LRIT1: variants seen among roughly 807,000 people sequenced by gnomAD.
LRIT1 encodes leucine rich repeat, Ig-like and transmembrane domains 1.
In LRIT1, 23 loss-of-function variants were observed where a neutral mutation model predicts 24.0. The observed-to-expected ratio is 0.96, with a 90% confidence interval of 0.69 to 1.36. The LOEUF (loss-of-function observed/expected upper bound fraction) is 1.36, where lower values mean the gene tolerates loss of function less well. Ranked by LOEUF, LRIT1 falls within the 40% of genes most tolerant of loss-of-function variation. The probability of loss-of-function intolerance (pLI) is 0.00; values close to 1 mark genes in which losing one functional copy is unlikely to be tolerated. For synonymous variants in LRIT1, 361 were observed against 340.5 expected, an observed-to-expected ratio of 1.06 and a Z score of -0.66; for missense variants, 846 against 806.3, an observed-to-expected ratio of 1.05 and a Z score of -0.60.
chr10:84,234,351 T>C lies in LRIT1; in HGVS notation c.617A>G (p.Asp206Gly), dbSNP rs764179381. The C allele has an allele frequency of 5.7e-6, 9 of 1,577,230 alleles. No individual in the cohort carries two copies. Among genetic ancestry groups the C allele is most frequent in the Non-Finnish European group, 7.8e-6 (9 of 1,160,280 alleles). The change falls in exon 3 of 4, where the codon GAC becomes GGC. Residue 206 changes from aspartate (D) to glycine (G), a missense_variant. By Grantham distance (94) the Asp-to-Gly change is moderately conservative. Coordinates refer to ENST00000372105, the MANE Select transcript of LRIT1 (RefSeq NM_015613.3). ...ATGAACCAGGTCATAGAGTCGGCAG[T>C]CACATGCCCAGGGGTTGTCCTGTAG... is the stretch of plus-strand genomic sequence containing the variant. ...LGLQDNPWAC[D>G]CRLYDLVHLL... is the part of the protein sequence containing the mutation.
Position 84,232,885 on chromosome 10 carries a change from C to T in LRIT1, c.914G>A (p.Ser305Asn). ...LNGTVHQEVS[S>N]DGTSWTLLGL... is the part of the protein sequence containing the mutation. ...CAGCAGAGTCCAGCTCGTGCCGTCACTGGAGACTTCCTGGTGCACTAGGAG... is the reference window on the plus strand; with the variant it reads ...CAGCAGAGTCCAGCTCGTGCCGTCATTGGAGACTTCCTGGTGCACTAGGAG... Residue 305 changes from serine (S) to asparagine (N), a missense_variant, in exon 4 of 4, where the codon AGT becomes AAT. Transcript: ENST00000372105. The T allele has an allele frequency of 5.0e-6, 8 of 1,611,796 alleles. No homozygotes were observed. The highest frequency in any genetic ancestry group is 6.8e-6 in the Non-Finnish European group (8 of 1,179,800).
At chr10:84,236,140 C>CA (rs1211177803) in intron 2 of LRIT1, among the ~76,000 whole-genome samples, 1 of 151,522 alleles carries the variant, frequency 6.6e-6, no homozygotes, top group African/African-American at 2.4e-5. Flanking sequence ...ACTAAATATA[C>CA]AAAAAATTAG....
At chr10:84,240,922 C>T (rs1842686144) in intron 1 of LRIT1, among the ~76,000 whole-genome samples, 1 of 151,536 alleles carries the variant, frequency 6.6e-6, no homozygotes. Flanking sequence ...TGCAAGTGGC[C>T]TGGGAAAGAA....
In LRIT1 at chr10:84,232,642, A is replaced by C. The variant is rs1040207526; in HGVS notation, c.1157T>G (p.Ile386Ser). 6.2e-7 allele frequency: 1 copy of C among 1,613,618 alleles called. No homozygotes were observed. Among genetic ancestry groups the C allele is most frequent in the Admixed American group, 1.7e-5 (1 of 60,008 alleles). Residue 386 changes from isoleucine (I) to serine (S), a missense_variant, in exon 4 of 4, where the codon ATT (isoleucine) becomes AGT (serine). Physicochemically the swap from Ile to Ser is moderately radical, Grantham distance 142. Coordinates refer to ENST00000372105, the MANE Select transcript of LRIT1 (RefSeq NM_015613.3). ...NKLVARHVPQ[I>S]PKPAVLATGP... ...AGTGGCCAGGACAGCGGGTTTGGGA[A>C]TCTGGGGGACATGCCTGGCCACCAG...
Position 84,241,432 on chromosome 10 carries a change from AC to A in LRIT1, c.7del (p.Val3TrpfsTer3). MR[V>X]ALGMLWLLAL... is the part of the protein sequence containing the mutation. Reference sequence around the variant, plus strand: ...CAAGAGCCAGAGCATGCCTAATGCCACCCTCATGGCTCCTGGCTCCTCTCTG... The same window carrying A: ...CAAGAGCCAGAGCATGCCTAATGCCACCTCATGGCTCCTGGCTCCTCTCTG... On this transcript the variant is annotated frameshift_variant, in exon 1 of 4. Coordinates refer to ENST00000372105, the MANE Select transcript of LRIT1 (RefSeq NM_015613.3). LOFTEE classifies it high-confidence loss of function. 1 of 1,585,630 alleles carries A rather than the reference AC, an allele frequency of 6.3e-7. No individual in the cohort carries two copies. Among genetic ancestry groups the A allele is most frequent in the Non-Finnish European group, 8.6e-7 (1 of 1,167,490 alleles).
At position 84,231,687 on chromosome 10, in the gene LRIT1, T is replaced by C. The variant is rs1196826554; in HGVS notation, c.*240A>G. On this transcript the variant is annotated 3_prime_UTR_variant, in exon 4 of 4. Coordinates refer to ENST00000372105, the MANE Select transcript of LRIT1 (RefSeq NM_015613.3). ...CACCCCAGGGAAATGGAGAGAATAG[T>C]GATGCCTGCTGCAAATGATTGTTAC... is the stretch of plus-strand genomic sequence containing the variant. 3.7e-6 allele frequency: 2 copies of C among 533,708 alleles called. No individual in the cohort carries two copies. The highest frequency in any genetic ancestry group is 6.7e-6 in the Non-Finnish European group (2 of 299,008). The allele number at this position is 533,708 out of a possible 1,614,324, so 33.1% of individuals were successfully genotyped here. A position where few individuals can be genotyped will look rare whatever the true frequency, so the allele number is the denominator to read the frequency against.
rs200146943 is a variant in LRIT1, at chr10:84,232,171, A to G, written c.1628T>C (p.Leu543Pro). ...ISVAIVIALP[L>P]TLLVCCSALQ... ...AGCACTGCAGCAGACAAGCAGCGTG[A>G]GAGGCAGGGCAATGACGATGGCCAC... The change falls in exon 4 of 4, where the codon CTC (leucine) becomes CCC (proline). Residue 543 changes from leucine (L) to proline (P), a missense_variant. Coordinates refer to ENST00000372105, the MANE Select transcript of LRIT1 (RefSeq NM_015613.3). 2 of 1,614,200 alleles carry G rather than the reference A, an allele frequency of 1.2e-6. No homozygotes were observed. Among genetic ancestry groups the G allele is most frequent in the East Asian group, 2.2e-5 (1 of 44,878 alleles).
In LRIT1 at chr10:84,237,568, G is replaced by A. The variant is rs970433638; in HGVS notation, c.241C>T (p.Pro81Ser). ...IRRVPGEAFR[P>S]LGRLEQLWLP... ...CACAGCTGCTCCAGGCGGCCCAGGG[G>A]CCTGAAGGCCTCGCCAGGAACCCTG... Residue 81 changes from proline (P) to serine (S), a missense_variant, in exon 2 of 4, where the codon CCC (proline) becomes TCC (serine). Physicochemically the swap from Pro to Ser is moderately conservative, Grantham distance 74. Coordinates refer to ENST00000372105, the MANE Select transcript of LRIT1 (RefSeq NM_015613.3). 6.2e-7 allele frequency: 1 copy of A among 1,606,306 alleles called. No homozygotes were observed. Among genetic ancestry groups the A allele is most frequent in the Admixed American group, 1.7e-5 (1 of 59,996 alleles).
chr10:84,240,414 G>A (rs1432359487), intron 1 of LRIT1, among the ~76,000 whole-genome samples: 1 of 152,100 alleles, frequency 6.6e-6, no homozygotes, highest in African/African-American at 2.4e-5. Context: ...CAATCAACTC[G>A]ACATTCATTG....
At chr10:84,235,098 A>G (rs1842637336) in intron 2 of LRIT1, among the ~76,000 whole-genome samples, 1 of 152,226 alleles carries the variant, frequency 6.6e-6, no homozygotes. Context: ...CATTACTGAA[A>G]TGCAAGATAA....
At chr10:84,240,853 G>A (rs1419003506) in intron 1 of LRIT1, among the ~76,000 whole-genome samples, 2 of 152,160 alleles carry the variant, frequency 1.3e-5, no homozygotes, top group African/African-American at 4.8e-5. Context: ...CATCATGGGT[G>A]GGGTTGTAGG....
intron 1 of LRIT1, 117 bp from the exon 2 acceptor site, chr10:84,237,803 A>G (rs1842664901): frequency 1.3e-6 from 1 of 768,882 alleles, no homozygotes; most frequent in Non-Finnish European, 2.1e-6. Context: ...CACCCACACC[A>G]GAGTCCAAGC....
intron 1 of LRIT1, among the ~76,000 whole-genome samples, chr10:84,239,014 T>C (rs1227535256): frequency 3.3e-5 from 5 of 152,212 alleles, no homozygotes; most frequent in African/African-American, 1.2e-4. Context: ...ATATCAGGCT[T>C]TCCTGGAGGT....
Position 84,232,544 on chromosome 10 carries a change from A to T in LRIT1, c.1255T>A (p.Ser419Thr), listed in dbSNP as rs76407157. 7.4e-5 allele frequency: 120 copies of T among 1,614,160 alleles called. No individual in the cohort carries two copies. In the East Asian group the frequency reaches 2.5e-3, roughly 34 times the overall value. ...TCTGAGGGTCCTGCCCGCCCATCAG[A>T]GAGCTCTCCCAGGGCATCCATCTGG... Reference protein sequence around the residue: ...HFQMDALGELSDGRAGPSEAR... With the variant: ...HFQMDALGELTDGRAGPSEAR... Residue 419 changes from serine (S) to threonine (T), a missense_variant, in exon 4 of 4, where the codon TCT becomes ACT. By Grantham distance (58) the Ser-to-Thr change is moderately conservative. Coordinates refer to ENST00000372105, the MANE Select transcript of LRIT1 (RefSeq NM_015613.3).
rs894352192 is a variant in LRIT1, at chr10:84,231,840, G to A, written c.*87C>T. 9 of 1,449,352 alleles carry A rather than the reference G, an allele frequency of 6.2e-6. No homozygotes were observed. The Admixed American group carries it at 1.6e-4, about 27-fold the overall frequency. The allele number at this position is 1,449,352 out of a possible 1,614,324, so 89.8% of individuals were successfully genotyped here. A position where few individuals can be genotyped will look rare whatever the true frequency, so the allele number is the denominator to read the frequency against. On this transcript the variant is annotated 3_prime_UTR_variant, in exon 4 of 4. Coordinates refer to ENST00000372105, the MANE Select transcript of LRIT1 (RefSeq NM_015613.3). ...ATCTGAGTAAGCAGGTACCCGAGCA[G>A]GTAAGAGTGGGTGATCGTGTACTCA...
At chr10:84,234,781 G>T (rs930478309) in intron 2 of LRIT1, among the ~76,000 whole-genome samples, 1 of 152,144 alleles carries the variant, frequency 6.6e-6, no homozygotes, top group Admixed American at 6.5e-5. Flanking sequence ...CTTGATGCCA[G>T]TTCTCCCAGT....
At position 84,232,758 on chromosome 10, in the gene LRIT1, C is replaced by T. The variant is rs924426461; in HGVS notation, c.1041G>A (p.Glu347=). Residue 347 remains glutamate, a synonymous_variant, in exon 4 of 4, where the codon GAG becomes GAA. Coordinates refer to ENST00000372105, the MANE Select transcript of LRIT1 (RefSeq NM_015613.3). ...CACTGTGTTCTGTGGAAGTCGGTGG[C>T]TCAGTGACAATCAAGGAGATAACAG... ...SETVISLIVT[E]PPTSTEHSGS... is the part of the protein sequence containing the mutation. 3 of 1,614,032 alleles carry T rather than the reference C, an allele frequency of 1.9e-6. No individual in the cohort carries two copies. The highest frequency in any genetic ancestry group is 8.5e-7 in the Non-Finnish European group (1 of 1,180,026).
intron 1 of LRIT1, 119 bp downstream of exon 1, chr10:84,241,199 T>C (rs1268643000): frequency 6.8e-7 from 1 of 1,461,040 alleles, no homozygotes; most frequent in Non-Finnish European, 9.4e-7. Flanking sequence ...TCCCTGGTCC[T>C]CAAGGGCCAA....
At chr10:84,236,790 T>C (rs994033134) in intron 2 of LRIT1, among the ~76,000 whole-genome samples, 1 of 152,216 alleles carries the variant, frequency 6.6e-6, no homozygotes, top group Non-Finnish European at 1.5e-5. Context: ...CATGTATGAG[T>C]TGTATAATTC....
Sources: allele counts gnomAD v4.1 joint callset (sites outside exome capture counted in the v4.1 genomes callset), GRCh38; gene constraint gnomAD v4.1.1; transcripts MANE v1.5; gene names NCBI Gene and HGNC (gene_info 2026-07-23, HGNC 2026-07-21).